Variants in PCDHGB6 observed in about 807,000 individuals in gnomAD.
PCDHGB6 encodes protocadherin gamma-B6.
PCDHGB6 carries 51 observed loss-of-function variants against 59.1 expected under a neutral mutation model. That is an observed-to-expected ratio of 0.86 (90% CI 0.69 to 1.09). The LOEUF (loss-of-function observed/expected upper bound fraction) is 1.09. Ranked by LOEUF, PCDHGB6 falls within the 50% of genes least tolerant of loss-of-function variation. The pLI is 0.00. For synonymous variants in PCDHGB6, 466 were observed against 495.1 expected (o/e 0.94, Z 0.78); for missense variants, 1,148 against 1,205.1 (o/e 0.95, Z 0.70).
At chr5:141,421,257 C>T (rs944057868) in intron 1 of PCDHGB6, 1 of 1,608,520 alleles carries the variant, frequency 6.2e-7, no homozygotes, top group African/African-American at 1.3e-5. Context: ...GCGGGGACCG[C>T]AGTCGGCTGC....
intron 1 of PCDHGB6, among the ~76,000 whole-genome samples, chr5:141,455,902 TA>T (rs2098836291): frequency 6.7e-6 from 1 of 149,860 alleles, no homozygotes. Context: ...TTTATTTATT[TA>T]TTTATTTATT....
rs551129846 is a variant in PCDHGB6, at chr5:141,432,711, A to T, written c.2418+22091A>T. 5 of 1,613,944 alleles carry T rather than the reference A, an allele frequency of 3.1e-6. No individual in the cohort carries two copies. The Admixed American group carries it at 8.3e-5, about 27-fold the overall frequency. ...GTAGTGGCCGTCCAGGACCACGGCCAGCCCCCTCTCTCCGCCACTGTCACG... is the reference window on the plus strand; with the variant it reads ...GTAGTGGCCGTCCAGGACCACGGCCTGCCCCCTCTCTCCGCCACTGTCACG... On this transcript the variant is annotated intron_variant, in intron 1 of 3. Transcript: ENST00000520790. This position sits in a 1 kb window ranked among gnomAD's most constrained non-coding sequence, Gnocchi z 6.0.
chr5:141,446,622 G>A (rs1338969669), intron 1 of PCDHGB6, among the ~76,000 whole-genome samples: 13 of 152,044 alleles, frequency 8.6e-5, no homozygotes, highest in East Asian at 1.9e-4. Flanking sequence ...GACTACAGGC[G>A]TGCACCACCA....
chr5:141,415,107 A>T, intron 1 of PCDHGB6: 1 of 1,613,624 alleles, frequency 6.2e-7, no homozygotes, highest in Non-Finnish European at 8.5e-7. Flanking sequence ...CGCTCAAGCA[A>T]AGCCTCGTAG....
At position 141,431,280 on chromosome 5, in the gene PCDHGB6, C is replaced by G; in HGVS notation, c.2418+20660C>G. ...TCTCTGCAGAGCTACGAGCTCAGCC[C>G]GAACACTCACTTCTCCCTCATCGTG... On this transcript the variant is annotated intron_variant, in intron 1 of 3. Transcript: ENST00000520790. This position sits in a 1 kb window ranked among gnomAD's most constrained non-coding sequence, Gnocchi z 4.8. The G allele has an allele frequency of 6.2e-7, 1 of 1,614,146 alleles. No homozygotes were observed. The highest frequency in any genetic ancestry group is 8.5e-7 in the Non-Finnish European group (1 of 1,180,040).
In PCDHGB6 at chr5:141,487,237, T is replaced by A. The variant is rs1327004790; in HGVS notation, c.2419-7570T>A. 1.2e-6 allele frequency: 2 copies of A among 1,614,122 alleles called. No individual in the cohort carries two copies. The highest frequency in any genetic ancestry group is 1.7e-6 in the Non-Finnish European group (2 of 1,179,980). On this transcript the variant is annotated intron_variant, in intron 1 of 3. Coordinates refer to ENST00000520790, the MANE Select transcript of PCDHGB6 (RefSeq NM_018926.3). This position sits in a 1 kb window ranked among gnomAD's most constrained non-coding sequence, Gnocchi z 5.0. ...CAGCTCCAAGGGAAGGAGAATCTCGTCTAACCCTCTACTTGGCTGTGTCCC... is the reference window on the plus strand; with the variant it reads ...CAGCTCCAAGGGAAGGAGAATCTCGACTAACCCTCTACTTGGCTGTGTCCC...
In PCDHGB6 at chr5:141,408,826, T is replaced by C. The variant is rs138252575; in HGVS notation, c.624T>C (p.His208=). ...KLLDREEQRS[H]SLILTALDGG... ...TAGACCGGGAAGAACAGAGATCTCA[T>C]AGCTTGATATTGACTGCCTTGGACG... The change falls in exon 1 of 4, where the codon CAT becomes CAC. Residue 208 remains histidine, a synonymous_variant. Coordinates refer to ENST00000520790, the MANE Select transcript of PCDHGB6 (RefSeq NM_018926.3). The C allele has an allele frequency of 6.1e-5, 98 of 1,613,582 alleles. No homozygotes were observed. The African/African-American group carries it at 9.9e-4, about 16-fold the overall frequency.
chr5:141,432,421 C>T lies in PCDHGB6; in HGVS notation c.2418+21801C>T, dbSNP rs771647620. 10 of 1,614,126 alleles carry T rather than the reference C, an allele frequency of 6.2e-6. No homozygotes were observed. In the African/African-American group the frequency reaches 1.2e-4, roughly 19 times the overall value. ...TGTCGTTGAGCCTGTTCGTGCTGGA[C>T]CAGAACGACAATGCGCCCGAGATCC... On this transcript the variant is annotated intron_variant, in intron 1 of 3. Transcript: ENST00000520790. This position sits in a 1 kb window ranked among gnomAD's most constrained non-coding sequence, Gnocchi z 6.0.
Position 141,489,802 on chromosome 5 carries a change from G to A in PCDHGB6, c.2419-5005G>A, listed in dbSNP as rs2099692541. On this transcript the variant is annotated intron_variant, in intron 1 of 3. Transcript: ENST00000520790. The surrounding 1 kb of genome is among the most constrained non-coding windows in gnomAD (Gnocchi z 4.5). ...TCTGAATGTGAAGACCCTAAAAGAT[G>A]GGAAGCCATTCCCAGAGCTGGTGCT... is the stretch of plus-strand genomic sequence containing the variant. 6.2e-7 allele frequency: 1 copy of A among 1,614,042 alleles called. No homozygotes were observed. The highest frequency in any genetic ancestry group is 1.1e-5 in the South Asian group (1 of 91,088).
At chr5:141,484,873 G>A (rs754469397) in intron 1 of PCDHGB6, 50 of 322,006 alleles carry the variant, frequency 1.6e-4, no homozygotes, top group Non-Finnish European at 2.5e-4. Flanking sequence ...GAGCGTGGAG[G>A]ATAGGGTGGG....
Position 141,486,617 on chromosome 5 carries a change from C to G in PCDHGB6, c.2419-8190C>G. ...GCTTTGCTCCCTTGCAGCCTCTGAC[C>G]CAGACTCTGGCTTGAATGCGCTTAT... On this transcript the variant is annotated intron_variant, in intron 1 of 3. Transcript: ENST00000520790. This position sits in a 1 kb window ranked among gnomAD's most constrained non-coding sequence, Gnocchi z 5.0. 1 of 1,613,602 alleles carries G rather than the reference C, an allele frequency of 6.2e-7. No homozygotes were observed. Among genetic ancestry groups the G allele is most frequent in the South Asian group, 1.1e-5 (1 of 91,086 alleles).
intron 1 of PCDHGB6, among the ~76,000 whole-genome samples, chr5:141,484,569 AGACT>A (rs1376518478): frequency 1.3e-5 from 2 of 152,106 alleles, no homozygotes; most frequent in African/African-American, 2.4e-5. Context: ...CAATACAATC[AGACT>A]GAGACGGAAG....
chr5:141,436,337 A>G (rs1450981655), intron 1 of PCDHGB6, among the ~76,000 whole-genome samples: 1 of 152,178 alleles, frequency 6.6e-6, no homozygotes, highest in Non-Finnish European at 1.5e-5. Flanking sequence ...CATATCTCAA[A>G]TATCAGTGAC....
At chr5:141,413,443 A>G (rs2095641277) in intron 1 of PCDHGB6, 1 of 1,613,986 alleles carries the variant, frequency 6.2e-7, no homozygotes, top group Admixed American at 1.7e-5. Context: ...CAGCTTGATC[A>G]CCGCGGGCAG....
intron 1 of PCDHGB6, chr5:141,433,186 G>A (rs753657435): frequency 1.4e-5 from 23 of 1,601,378 alleles, no homozygotes; most frequent in Non-Finnish European, 1.9e-5. Context: ...TAATTGAGGT[G>A]AGTTTATATC....
chr5:141,436,414 A>G (rs1459862288), intron 1 of PCDHGB6, among the ~76,000 whole-genome samples: 1 of 152,234 alleles, frequency 6.6e-6, no homozygotes, highest in East Asian at 1.9e-4. Flanking sequence ...ATGAATGGAT[A>G]AACAAATAAT....
At chr5:141,412,861 A>T (rs925106716) in intron 1 of PCDHGB6, 19 of 235,604 alleles carry the variant, frequency 8.1e-5, no homozygotes, top group African/African-American at 3.4e-4. Context: ...CAAAGAATCT[A>T]TGTAAAATAT....
Position 141,421,691 on chromosome 5 carries a change from T to A in PCDHGB6, c.2418+11071T>A, listed in dbSNP as rs1175919580. ...GCAATTCCTGGGGCGCGATTTGCTC[T>A]TCCTAATGCTAGGGATCCAGATGTG... On this transcript the variant is annotated intron_variant, in intron 1 of 3. Coordinates refer to ENST00000520790, the MANE Select transcript of PCDHGB6 (RefSeq NM_018926.3). 6.2e-7 allele frequency: 1 copy of A among 1,613,816 alleles called. No individual in the cohort carries two copies. The highest frequency in any genetic ancestry group is 1.3e-5 in the African/African-American group (1 of 74,938).
At position 141,436,706 on chromosome 5, in the gene PCDHGB6, A is replaced by G. The variant is rs149478256; in HGVS notation, c.2418+26086A>G. 3.9e-3 allele frequency among the ~76,000 whole-genome samples: 587 copies of G among 152,318 alleles called. 6 individuals are homozygous for G. Among genetic ancestry groups the G allele is most frequent in the Admixed American group, 0.011 (169 of 15,304 alleles). On this transcript the variant is annotated intron_variant, in intron 1 of 3. Transcript: ENST00000520790. ...TATATTTTCAATGCCAGCACACTCG[A>G]TGTTCTGTTGGGAAAAATAATAATG...
Sources: allele counts gnomAD v4.1 joint callset (sites outside exome capture counted in the v4.1 genomes callset), GRCh38; gene constraint gnomAD v4.1.1; non-coding constraint Gnocchi (gnomAD v3.1); transcripts MANE v1.5; gene names NCBI Gene and HGNC (gene_info 2026-07-23, HGNC 2026-07-21).